Variants in CCL11 observed in about 807,000 individuals in gnomAD.
CCL11 encodes eotaxin.
In CCL11, 7 loss-of-function variants were observed where a neutral mutation model predicts 7.3. That is an observed-to-expected ratio of 0.96 (90% CI 0.55 to 1.81). The LOEUF is 1.81. CCL11 is among the 40% of genes most tolerant of loss of function. The pLI is 0.00. For missense variants in CCL11, 132 were observed against 114.2 expected, an observed-to-expected ratio of 1.16 and a Z score of -0.71; for synonymous variants, 66 against 45.2, an observed-to-expected ratio of 1.46 and a Z score of -1.84.
intron 2 of CCL11, 26 bp downstream of exon 2, chr17:34,287,233 C>A: frequency 1.3e-6 from 2 of 1,516,794 alleles, no homozygotes; most frequent in South Asian, 2.2e-5. Context: ...TCACCCTCCC[C>A]TAGACAAAAA....
rs1908695065 is a variant in CCL11 at position 34,287,875 on chromosome 17, C to T, written c.*185C>T. 3.7e-6 allele frequency: 1 copy of T among 267,346 alleles called. No individual in the cohort carries two copies. The allele number at this position is 267,346 out of a possible 1,614,324, so 16.6% of individuals were successfully genotyped here. ...AATTTATTGAGGCTTTAAAACTTAT[C>T]CTCCATGAATATCAGTTATTTTTAA... On this transcript the variant is annotated 3_prime_UTR_variant, in exon 3 of 3. Transcript: ENST00000305869.
At position 34,287,809 on chromosome 17, in the gene CCL11, T is replaced by TAG; in HGVS notation, c.*120_*121insGA. On this transcript the variant is annotated 3_prime_UTR_variant, in exon 3 of 3. Transcript: ENST00000305869. Reference sequence around the variant, plus strand: ...TCCAAAGGGCATGGGTTTTATTATATATATATATTTTTTTTTTTAAAAAAA... The same window carrying TAG: ...TCCAAAGGGCATGGGTTTTATTATATAGATATATATTTTTTTTTTTAAAAAAA... 6.2e-6 allele frequency: 2 copies of TAG among 321,500 alleles called. No individual in the cohort carries two copies. The highest frequency in any genetic ancestry group is 1.0e-5 in the Non-Finnish European group (2 of 190,632). 19.9% of individuals were successfully genotyped at this position (321,500 alleles called of 1,614,324 possible).
In CCL11 at chr17:34,287,800, T is replaced by G; in HGVS notation, c.*110T>G. 2.1e-6 allele frequency: 1 copy of G among 485,022 alleles called. No individual in the cohort carries two copies. Among genetic ancestry groups the G allele is most frequent in the Non-Finnish European group, 3.6e-6 (1 of 274,902 alleles). 30.0% of individuals were successfully genotyped at this position (485,022 alleles called of 1,614,324 possible). ...CATTATCAGTCCAAAGGGCATGGGTTTTATTATATATATATATTTTTTTTT... is the reference window on the plus strand; with the variant it reads ...CATTATCAGTCCAAAGGGCATGGGTGTTATTATATATATATATTTTTTTTT... On this transcript the variant is annotated 3_prime_UTR_variant, in exon 3 of 3. Coordinates refer to ENST00000305869, the MANE Select transcript of CCL11 (RefSeq NM_002986.3).
chr17:34,287,608 A>G lies in CCL11; in HGVS notation c.212A>G (p.Asp71Gly), dbSNP rs200078656. 1.3e-5 allele frequency: 21 copies of G among 1,613,752 alleles called. No individual in the cohort carries two copies. Among genetic ancestry groups the G allele is most frequent in the African/African-American group, 2.7e-5 (2 of 74,874 alleles). The change falls in exon 3 of 3, where the codon GAT (aspartate) becomes GGT (glycine). Residue 71 changes from aspartate to glycine, a missense_variant. By Grantham distance (94) the Asp-to-Gly change is moderately conservative. Coordinates refer to ENST00000305869, the MANE Select transcript of CCL11 (RefSeq NM_002986.3). The part of the protein sequence containing the change: ...AVIFKTKLAK[D>G]ICADPKKKWV... ...AGCTTCAAGACCAAACTGGCCAAGG[A>G]TATCTGTGCCGACCCCAAGAAGAAG...
Position 34,288,145 on chromosome 17 carries a change from A to G in CCL11, c.*455A>G, listed in dbSNP as rs1260419499. 1 of 152,502 alleles carries G rather than the reference A, an allele frequency of 6.6e-6. No individual in the cohort carries two copies. Among genetic ancestry groups the G allele is most frequent in the Non-Finnish European group, 1.5e-5 (1 of 68,250 alleles). 9.4% of individuals were successfully genotyped at this position (152,502 alleles called of 1,614,324 possible). On this transcript the variant is annotated 3_prime_UTR_variant, in exon 3 of 3. Transcript: ENST00000305869. Reference sequence around the variant, plus strand: ...TATTTTATTATAGTCACTAGTTGTAATTTTTTTGTGGGAAATCCACACTGA... The same window carrying G: ...TATTTTATTATAGTCACTAGTTGTAGTTTTTTTGTGGGAAATCCACACTGA...
chr17:34,287,514 T>A, intron 2 of CCL11, 71 bp from the exon 3 acceptor site: 1 of 1,114,400 alleles, frequency 9.0e-7, no homozygotes, highest in Non-Finnish European at 1.4e-6. Flanking sequence ...AGATGGTCCT[T>A]AAATATTTAG....
Position 34,287,143 on chromosome 17 carries a change from C to A in CCL11, c.124C>A (p.Pro42Thr), listed in dbSNP as rs202159929. 6 of 1,613,992 alleles carry A rather than the reference C, an allele frequency of 3.7e-6. No individual in the cohort carries two copies. The East Asian group carries it at 1.1e-4, about 30-fold the overall frequency. The change falls in exon 2 of 3, where the codon CCC becomes ACC. Residue 42 changes from proline (P) to threonine (T), a missense_variant. Pro to Thr is a conservative substitution (Grantham distance 38). Coordinates refer to ENST00000305869, the MANE Select transcript of CCL11 (RefSeq NM_002986.3). ...CCFNLANRKI[P>T]LQRLESYRRI... ...CTTTAACCTGGCCAATAGGAAGATA[C>A]CCCTTCAGCGACTAGAGAGCTACAG...
intron 2 of CCL11, 38 bp downstream of exon 2, chr17:34,287,245 A>G (rs200153494): frequency 5.7e-5 from 80 of 1,410,380 alleles, no homozygotes; most frequent in Middle Eastern, 5.3e-4. Flanking sequence ...AGACAAAAAA[A>G]TAATGTCTAG....
In CCL11 at chr17:34,287,191, C is replaced by G. The variant is rs866266504; in HGVS notation, c.172C>G (p.Pro58Ala). 6.2e-7 allele frequency: 1 copy of G among 1,612,320 alleles called. No homozygotes were observed. The highest frequency in any genetic ancestry group is 2.2e-5 in the East Asian group (1 of 44,878). The change falls in exon 2 of 3, where the codon CCC (proline) becomes GCC (alanine). Residue 58 changes from proline (P) to alanine (A), a missense_variant. Pro to Ala is a conservative substitution (Grantham distance 27, BLOSUM62 -1). Coordinates refer to ENST00000305869, the MANE Select transcript of CCL11 (RefSeq NM_002986.3). ...CAGGAGAATCACCAGTGGCAAATGT[C>G]CCCAGAAAGCTGTGATGTAAGTAAA... ...SYRRITSGKCPQKAVIFKTKL... is the reference protein window; with the variant it reads ...SYRRITSGKCAQKAVIFKTKL...
Position 34,285,898 on chromosome 17 carries a change from C to A in CCL11, c.76+14C>A, listed in dbSNP as rs1390617724. On this transcript the variant is annotated intron_variant, in intron 1 of 2. Coordinates refer to ENST00000305869, the MANE Select transcript of CCL11 (RefSeq NM_002986.3). ...TCGCTGGGCCAGGTAAGCCCCCCAA[C>A]TCCTTACAGGAAAGGTAAGGTAACC... 5.6e-6 allele frequency: 9 copies of A among 1,594,646 alleles called. No individual in the cohort carries two copies. Among genetic ancestry groups the A allele is most frequent in the Non-Finnish European group, 6.9e-6 (8 of 1,167,124 alleles).
rs749416164 is a variant in CCL11 at position 34,287,204 on chromosome 17, T to C, written c.185T>C (p.Val62Ala). Residue 62 changes from valine to alanine, a missense_variant, in exon 2 of 3, where the codon GTG (valine) becomes GCG (alanine). Transcript: ENST00000305869. ...AGTGGCAAATGTCCCCAGAAAGCTG[T>C]GATGTAAGTAAATAAAGTTCACCCT... The part of the protein sequence containing the change: ...ITSGKCPQKA[V>A]IFKTKLAKDI... The C allele has an allele frequency of 1.9e-6, 3 of 1,608,954 alleles. No homozygotes were observed. Among genetic ancestry groups the C allele is most frequent in the Non-Finnish European group, 2.6e-6 (3 of 1,175,420 alleles).
chr17:34,286,190 G>C (rs1000875319), intron 1 of CCL11, among the ~76,000 whole-genome samples: 8 of 152,200 alleles, frequency 5.3e-5, no homozygotes, highest in African/African-American at 1.7e-4. Flanking sequence ...ATTTTTGGCA[G>C]TGGGAGAGAA....
chr17:34,287,272 C>G (rs1908662425), intron 2 of CCL11, 65 bp downstream of exon 2: 3 of 1,177,726 alleles, frequency 2.5e-6, no homozygotes, highest in Non-Finnish European at 3.8e-6. Flanking sequence ...GAGTCAAGAA[C>G]TGTGTCACAG....
In CCL11 at chr17:34,287,992, C is replaced by T. The variant is rs200522301; in HGVS notation, c.*302C>T. 2 of 165,474 alleles carry T rather than the reference C, an allele frequency of 1.2e-5. No homozygotes were observed. The highest frequency in any genetic ancestry group is 2.4e-5 in the African/African-American group (1 of 42,004). 10.3% of individuals were successfully genotyped at this position (165,474 alleles called of 1,614,324 possible). A position where few individuals can be genotyped will look rare whatever the true frequency, so the allele number is the denominator to read the frequency against. On this transcript the variant is annotated 3_prime_UTR_variant, in exon 3 of 3. Coordinates refer to ENST00000305869, the MANE Select transcript of CCL11 (RefSeq NM_002986.3). ...GCAATGTTCCCCCTCTCCTCTCTTC[C>T]TCCCTGGAATCTTGTAAAGGTCCTG...
At position 34,287,158 on chromosome 17, in the gene CCL11, G is replaced by A; in HGVS notation, c.139G>A (p.Glu47Lys). Residue 47 changes from glutamate (E) to lysine (K), a missense_variant, in exon 2 of 3, where the codon GAG (glutamate) becomes AAG (lysine). Coordinates refer to ENST00000305869, the MANE Select transcript of CCL11 (RefSeq NM_002986.3). ...ANRKIPLQRL[E>K]SYRRITSGKC... is the part of the protein sequence containing the mutation. Reference sequence around the variant, plus strand: ...TAGGAAGATACCCCTTCAGCGACTAGAGAGCTACAGGAGAATCACCAGTGG... The same window carrying A: ...TAGGAAGATACCCCTTCAGCGACTAAAGAGCTACAGGAGAATCACCAGTGG... 6.2e-7 allele frequency: 1 copy of A among 1,614,026 alleles called. No homozygotes were observed. Among genetic ancestry groups the A allele is most frequent in the Non-Finnish European group, 8.5e-7 (1 of 1,179,940 alleles).
chr17:34,286,427 T>C (rs1003275003), intron 1 of CCL11, among the ~76,000 whole-genome samples: 1 of 152,258 alleles, frequency 6.6e-6, no homozygotes, highest in East Asian at 1.9e-4. Context: ...CATAGCATGG[T>C]AACAAACAGT....
Position 34,287,763 on chromosome 17 carries a change from C to A in CCL11, c.*73C>A. The A allele has an allele frequency of 1.2e-6, 1 of 857,478 alleles. No homozygotes were observed. The highest frequency in any genetic ancestry group is 2.0e-6 in the Non-Finnish European group (1 of 508,444). The allele number at this position is 857,478 out of a possible 1,614,324, so 53.1% of individuals were successfully genotyped here. ...TTGTTTTCCCTTCTTACAATGCATT[C>A]TGAGGTAACCTCATTATCAGTCCAA... On this transcript the variant is annotated 3_prime_UTR_variant, in exon 3 of 3. Transcript: ENST00000305869.
Position 34,287,996 on chromosome 17 carries a change from C to T in CCL11, c.*306C>T, listed in dbSNP as rs201540202. On this transcript the variant is annotated 3_prime_UTR_variant, in exon 3 of 3. Coordinates refer to ENST00000305869, the MANE Select transcript of CCL11 (RefSeq NM_002986.3). ...TGTTCCCCCTCTCCTCTCTTCCTCC[C>T]TGGAATCTTGTAAAGGTCCTGGCAA... 9.7e-5 allele frequency: 16 copies of T among 164,208 alleles called. No homozygotes were observed. Among genetic ancestry groups the T allele is most frequent in the Admixed American group, 3.2e-4 (5 of 15,694 alleles). 10.2% of individuals were successfully genotyped at this position (164,208 alleles called of 1,614,324 possible).
At position 34,285,894 on chromosome 17, in the gene CCL11, C is replaced by A; in HGVS notation, c.76+10C>A. On this transcript the variant is annotated intron_variant, in intron 1 of 2. Coordinates refer to ENST00000305869, the MANE Select transcript of CCL11 (RefSeq NM_002986.3). ...GGGCTCGCTGGGCCAGGTAAGCCCC[C>A]CAACTCCTTACAGGAAAGGTAAGGT... 6.3e-7 allele frequency: 1 copy of A among 1,598,926 alleles called. No homozygotes were observed. The highest frequency in any genetic ancestry group is 8.5e-7 in the Non-Finnish European group (1 of 1,170,560).
Sources: allele counts gnomAD v4.1 joint callset (sites outside exome capture counted in the v4.1 genomes callset), GRCh38; gene constraint gnomAD v4.1.1; transcripts MANE v1.5; gene names NCBI Gene and HGNC (gene_info 2026-07-23, HGNC 2026-07-21).